Variants in SUGCT observed in about 807,000 individuals in gnomAD.
SUGCT encodes the protein succinyl-CoA:glutarate CoA-transferase.
SUGCT carries 41 observed loss-of-function variants against 55.0 expected under a neutral mutation model. The ratio of observed to expected loss-of-function variants is 0.74; its 90% CI spans 0.58 to 0.97. The LOEUF is 0.97. SUGCT is among the 50% of genes least tolerant of loss of function. The pLI is 0.00. For missense variants in SUGCT, 568 were observed against 547.8 expected, an observed-to-expected ratio of 1.04 and a Z score of -0.37; for synonymous variants, 187 against 200.4, an observed-to-expected ratio of 0.93 and a Z score of 0.56.
chr7:40,411,690 G>A (rs1307852156), intron 9 of SUGCT, among the ~76,000 whole-genome samples: 1 of 152,104 alleles, frequency 6.6e-6, no homozygotes, highest in Admixed American at 6.5e-5. Flanking sequence ...AAGAAGTTAA[G>A]ACCTGATTTC....
intron 12 of SUGCT, among the ~76,000 whole-genome samples, chr7:40,508,777 C>T (rs757833087): frequency 3.3e-5 from 5 of 152,186 alleles, no homozygotes; most frequent in Admixed American, 6.5e-5. Context: ...AAAGTCCTGT[C>T]CTGCACACTT....
chr7:40,535,266 C>T (rs1418437846), intron 12 of SUGCT, among the ~76,000 whole-genome samples: 1 of 152,092 alleles, frequency 6.6e-6, no homozygotes, highest in East Asian at 1.9e-4. Context: ...CAGCCGGGTG[C>T]TGAGCATGAT....
chr7:40,572,719 C>T (rs2151691819), intron 12 of SUGCT, among the ~76,000 whole-genome samples: 1 of 152,252 alleles, frequency 6.6e-6, no homozygotes, highest in South Asian at 2.1e-4. Flanking sequence ...TAGGAATAAG[C>T]AGCTAAATTG....
chr7:40,523,522 G>T (rs907550042), intron 12 of SUGCT, among the ~76,000 whole-genome samples: 1 of 151,986 alleles, frequency 6.6e-6, no homozygotes, highest in African/African-American at 2.4e-5. Flanking sequence ...CCACATAGTG[G>T]CTTAAACTAA....
chr7:41,013,742 T>G, the SUGCT span, among the ~76,000 whole-genome samples: 9 of 148,316 alleles, frequency 6.1e-5, no homozygotes, highest in Admixed American at 6.0e-4. Flanking sequence ...TAGTTGCTTT[T>G]CTTTCTTTCT....
the SUGCT span, among the ~76,000 whole-genome samples, chr7:40,872,908 AGAACTGAGGTG>A: frequency 0.03 from 4,635 of 152,244 alleles, 226 homozygotes; most frequent in African/African-American, 0.11. Flanking sequence ...GCTCTGGAGA[AGAACTGAGGTG>A]GATTAAGGCT....
At chr7:40,151,966 T>C (rs950268476) in intron 1 of SUGCT, among the ~76,000 whole-genome samples, 1 of 152,108 alleles carries the variant, frequency 6.6e-6, no homozygotes, top group Non-Finnish European at 1.5e-5. Context: ...TTTCTAGCTT[T>C]CTTTTGTTTC....
intron 12 of SUGCT, among the ~76,000 whole-genome samples, chr7:40,573,360 A>G (rs1251575006): frequency 6.6e-6 from 1 of 152,204 alleles, no homozygotes; most frequent in Non-Finnish European, 1.5e-5. Context: ...TCCTTGAATC[A>G]TTTAGTATCA....
intron 6 of SUGCT, among the ~76,000 whole-genome samples, chr7:40,232,282 T>C (rs939188693): frequency 6.6e-6 from 1 of 152,224 alleles, no homozygotes; most frequent in Non-Finnish European, 1.5e-5. Context: ...CTCAAAGCTG[T>C]CCTTGAACAG....
At chr7:40,930,702 T>C in the SUGCT span, among the ~76,000 whole-genome samples, 2 of 152,222 alleles carry the variant, frequency 1.3e-5, no homozygotes, top group East Asian at 1.9e-4. Context: ...GGGAGCTCAC[T>C]CATGATTTGG....
intron 10 of SUGCT, among the ~76,000 whole-genome samples, chr7:40,454,421 G>T (rs949485958): frequency 3.3e-5 from 5 of 152,178 alleles, no homozygotes; most frequent in African/African-American, 1.2e-4. Flanking sequence ...GTCAGTTGGT[G>T]GTGGTGTGTG....
intron 1 of SUGCT, among the ~76,000 whole-genome samples, chr7:40,146,318 C>T (rs370842304): frequency 7.4e-4 from 112 of 152,280 alleles, no homozygotes; most frequent in Middle Eastern, 3.4e-3. Context: ...TTTCAGGCTA[C>T]GCCCTTGTTT....
At chr7:40,201,431 C>A (rs922382432) in intron 6 of SUGCT, among the ~76,000 whole-genome samples, 2 of 152,102 alleles carry the variant, frequency 1.3e-5, no homozygotes, top group African/African-American at 4.8e-5. Context: ...CCCTCATAGT[C>A]AAAACAATTG....
intron 9 of SUGCT, among the ~76,000 whole-genome samples, chr7:40,342,399 ATAGAG>A (rs949039422): frequency 1.3e-5 from 2 of 152,228 alleles, no homozygotes; most frequent in Admixed American, 6.5e-5. Context: ...TGATCTTTCA[ATAGAG>A]TAATCAACCA....
intron 13 of SUGCT, among the ~76,000 whole-genome samples, chr7:40,801,348 T>TG (rs952759369): frequency 4.6e-5 from 7 of 152,064 alleles, no homozygotes; most frequent in South Asian, 2.1e-4. Flanking sequence ...GAACATCTTG[T>TG]GGGGGGGAGG....
the SUGCT span, among the ~76,000 whole-genome samples, chr7:40,981,051 C>T: frequency 0.065 from 9,820 of 152,154 alleles, 456 homozygotes; most frequent in South Asian, 0.21. Flanking sequence ...CCTCCACCTT[C>T]CAGGCCCAGT....
chr7:40,575,032 G>A (rs997175976), intron 12 of SUGCT, among the ~76,000 whole-genome samples: 8 of 150,210 alleles, frequency 5.3e-5, no homozygotes, highest in African/African-American at 2.0e-4. Context: ...CACTGCCTCT[G>A]CATCCCTCCT....
chr7:40,634,199 G>T (rs1406871512), intron 12 of SUGCT, among the ~76,000 whole-genome samples: 1 of 152,180 alleles, frequency 6.6e-6, no homozygotes, highest in Middle Eastern at 3.2e-3. Flanking sequence ...AAAAATTTCT[G>T]CTGAACAAAA....
rs71000127 is a variant in SUGCT at position 40,663,296 on chromosome 7, C to CAAA, written c.1090-86130_1090-86128dup. Among the ~76,000 whole-genome samples, 1,074 of 149,034 alleles carry CAAA rather than the reference C, an allele frequency of 7.2e-3. 5 individuals carry two copies. Among genetic ancestry groups the CAAA allele is most frequent in the East Asian group, 0.031 (155 of 5,080 alleles). On this transcript the variant is annotated intron_variant, in intron 12 of 13. Transcript: ENST00000335693. ...TTACTAATGTAATACATGTATATTTCAAAAAAAAAATCTGGAAAGTCTGGG... is the reference window on the plus strand; with the variant it reads ...TTACTAATGTAATACATGTATATTTCAAAAAAAAAAAAATCTGGAAAGTCTGGG...
Sources: allele counts gnomAD v4.1 joint callset (sites outside exome capture counted in the v4.1 genomes callset), GRCh38; gene constraint gnomAD v4.1.1; transcripts MANE v1.5; gene names NCBI Gene and HGNC (gene_info 2026-07-23, HGNC 2026-07-21).